UBE2E2: variants seen among roughly 807,000 people sequenced by gnomAD.
The protein encoded by UBE2E2 is ubiquitin conjugating enzyme E2 E2.
A neutral mutation model predicts 24.7 loss-of-function variants in UBE2E2; 6 were observed. The observed-to-expected ratio is 0.24, with a 90% CI of 0.13 to 0.48. The LOEUF (loss-of-function observed/expected upper bound fraction) is 0.48. Ranked by LOEUF, UBE2E2 falls within the 20% of genes least tolerant of loss-of-function variation. The pLI, the probability that UBE2E2 is intolerant of heterozygous loss-of-function variation, is 0.99. For missense variants in UBE2E2, 169 were observed against 245.0 expected (o/e 0.69, Z 2.07); for synonymous variants, 104 against 83.6 (o/e 1.24, Z -1.33).
At chr3:23,514,769 A>T (rs1034641780) in intron 4 of UBE2E2, among the ~76,000 whole-genome samples, 1 of 152,110 alleles carries the variant, frequency 6.6e-6, no homozygotes, top group East Asian at 1.9e-4. Flanking sequence ...GAGGGGTTTC[A>T]TTCAAACAAA....
intron 3 of UBE2E2, among the ~76,000 whole-genome samples, chr3:23,429,255 A>G (rs75370193): frequency 0.029 from 4,394 of 152,314 alleles, 107 homozygotes; most frequent in East Asian, 0.13. Context: ...TCTAGAAGAT[A>G]GAAGCAGAGA....
intron 3 of UBE2E2, among the ~76,000 whole-genome samples, chr3:23,376,271 C>T (rs1696519036): frequency 6.6e-6 from 1 of 152,048 alleles, no homozygotes; most frequent in Admixed American, 6.6e-5. Context: ...CTATAGCCAG[C>T]CTGTTTTAGA....
intron 3 of UBE2E2, chr3:23,323,730 A>G (rs17013009): frequency 0.026 from 6,538 of 246,970 alleles, 465 homozygotes; most frequent in African/African-American, 0.14. Context: ...CCCTTTTAGC[A>G]AACTCCTGTC....
chr3:23,420,229 A>G (rs1697763019), intron 3 of UBE2E2, among the ~76,000 whole-genome samples: 1 of 152,218 alleles, frequency 6.6e-6, no homozygotes, highest in Non-Finnish European at 1.5e-5. Context: ...AGCATCTGAC[A>G]CAGTGCATTG....
chr3:23,403,905 A>G (rs1697290673), intron 3 of UBE2E2, among the ~76,000 whole-genome samples: 1 of 152,090 alleles, frequency 6.6e-6, no homozygotes, highest in Non-Finnish European at 1.5e-5. Context: ...AAGATGAAGA[A>G]TTAACCATGT....
chr3:23,534,680 T>G (rs1695209945), intron 5 of UBE2E2, among the ~76,000 whole-genome samples: 1 of 152,220 alleles, frequency 6.6e-6, no homozygotes, highest in Admixed American at 6.5e-5. Context: ...CTTAATGGAC[T>G]TATTTCACAC....
rs1343393901 is a variant in UBE2E2, at chr3:23,267,608, C to T, written c.227+50296C>T. ...AGTCCAGGACCAGATGGATTCACAG[C>T]CGAATTCTACCAGAGGTACAAGGAG... On this transcript the variant is annotated intron_variant, in intron 3 of 5. Coordinates refer to ENST00000396703, the MANE Select transcript of UBE2E2 (RefSeq NM_152653.4). Among the ~76,000 whole-genome samples, 8 of 151,894 alleles carry T rather than the reference C, an allele frequency of 5.3e-5. No homozygotes were observed. The South Asian group carries it at 1.7e-3, about 32-fold the overall frequency.
At chr3:23,364,456 A>G (rs1298848627) in intron 3 of UBE2E2, among the ~76,000 whole-genome samples, 3 of 152,148 alleles carry the variant, frequency 2.0e-5, no homozygotes, top group Non-Finnish European at 4.4e-5. Context: ...CCACCAACCC[A>G]ACAGAAATAC....
intron 4 of UBE2E2, among the ~76,000 whole-genome samples, chr3:23,516,701 T>A (rs1694749376): frequency 6.6e-6 from 1 of 152,196 alleles, no homozygotes; most frequent in African/African-American, 2.4e-5. Flanking sequence ...TTTATTTTTA[T>A]GACCAATAAA....
intron 3 of UBE2E2, among the ~76,000 whole-genome samples, chr3:23,248,297 G>A (rs1362200490): frequency 6.6e-6 from 1 of 152,148 alleles, no homozygotes; most frequent in Non-Finnish European, 1.5e-5. Flanking sequence ...CATCCTCACT[G>A]GTGTTCCACA....
At chr3:23,256,638 A>G (rs1697729417) in intron 3 of UBE2E2, among the ~76,000 whole-genome samples, 1 of 152,186 alleles carries the variant, frequency 6.6e-6, no homozygotes, top group South Asian at 2.1e-4. Flanking sequence ...ATTAGGATTT[A>G]TATATTTTCA....
intron 5 of UBE2E2, among the ~76,000 whole-genome samples, chr3:23,580,030 A>G (rs908280546): frequency 6.6e-6 from 1 of 152,254 alleles, no homozygotes; most frequent in Non-Finnish European, 1.5e-5. Context: ...AATCTTATGA[A>G]CAAACTTGAA....
At chr3:23,449,321 AC>A (rs1698504113) in intron 3 of UBE2E2, among the ~76,000 whole-genome samples, 2 of 152,348 alleles carry the variant, frequency 1.3e-5, no homozygotes, top group South Asian at 4.1e-4. Context: ...GGAGAATAAA[AC>A]AACAGATCTT....
At chr3:23,334,344 CTT>C (rs1695148674) in intron 3 of UBE2E2, among the ~76,000 whole-genome samples, 3 of 151,660 alleles carry the variant, frequency 2.0e-5, no homozygotes, top group Admixed American at 6.6e-5. Flanking sequence ...CAAGAAATCT[CTT>C]TGTCTTTGTC....
chr3:23,292,879 G>C (rs535058862), intron 3 of UBE2E2, among the ~76,000 whole-genome samples: 2 of 152,124 alleles, frequency 1.3e-5, no homozygotes, highest in African/African-American at 4.8e-5. Flanking sequence ...TTTGAGACCA[G>C]CCTGACCAAC....
In UBE2E2 at chr3:23,406,948, A is replaced by G. The variant is rs149193744; in HGVS notation, c.228-92660A>G. 8.1e-4 allele frequency among the ~76,000 whole-genome samples: 123 copies of G among 152,252 alleles called. No individual in the cohort carries two copies. The East Asian group carries it at 0.019, about 23-fold the overall frequency. ...CTTCTTTATGAAGTCAGTGTCCCCC[A>G]TGAGGAGGGCAGGGGCTGGGGTGTG... On this transcript the variant is annotated intron_variant, in intron 3 of 5. Transcript: ENST00000396703.
chr3:23,462,970 C>T (rs1698839192), intron 3 of UBE2E2, among the ~76,000 whole-genome samples: 1 of 152,078 alleles, frequency 6.6e-6, no homozygotes, highest in African/African-American at 2.4e-5. Context: ...ACAGTGCCTA[C>T]CATATAGTAG....
rs71974866 is a variant in UBE2E2 at position 23,407,647 on chromosome 3, ATGTGTGTGTGTGTGTG to A, written c.228-91933_228-91918del. Among the ~76,000 whole-genome samples the A allele has an allele frequency of 8.0e-5, 11 of 138,114 alleles. No homozygotes were observed. In the East Asian group the frequency reaches 1.5e-3, roughly 19 times the overall value. 90.6% of individuals were successfully genotyped at this position (138,114 alleles called of 152,430 possible). ...TGTGTGTTTGTGTGTGCATGCGTGCATGTGTGTGTGTGTGTGTGTGTGTGTGTGTGTGTGTGTGTGT... is the reference window on the plus strand; with the variant it reads ...TGTGTGTTTGTGTGTGCATGCGTGCATGTGTGTGTGTGTGTGTGTGTGTGT... On this transcript the variant is annotated intron_variant, in intron 3 of 5. Transcript: ENST00000396703. This position sits in a 1 kb window ranked among gnomAD's most constrained non-coding sequence, Gnocchi z 4.0.
rs559212356 is a variant in UBE2E2, at chr3:23,415,576, G to A, written c.228-84032G>A. ...TAAAATGCATTTCTTACTGTGGGTCGTGGAGAAAAATGTTTGAAATCAGCA... is the reference window on the plus strand; with the variant it reads ...TAAAATGCATTTCTTACTGTGGGTCATGGAGAAAAATGTTTGAAATCAGCA... On this transcript the variant is annotated intron_variant, in intron 3 of 5. Transcript: ENST00000396703. Among the ~76,000 whole-genome samples, 14 of 152,212 alleles carry A rather than the reference G, an allele frequency of 9.2e-5. No homozygotes were observed. In the South Asian group the frequency reaches 2.1e-3, roughly 23 times the overall value.
Sources: allele counts gnomAD v4.1 joint callset (sites outside exome capture counted in the v4.1 genomes callset), GRCh38; gene constraint gnomAD v4.1.1; non-coding constraint Gnocchi (gnomAD v3.1); transcripts MANE v1.5; gene names NCBI Gene and HGNC (gene_info 2026-07-23, HGNC 2026-07-21).